The following PLEKHA8 variants were observed in gnomAD, a reference collection of about 807,000 sequenced individuals.
PLEKHA8 encodes pleckstrin homology domain-containing family A member 8.
Under a neutral mutation model 68.2 loss-of-function variants are expected in PLEKHA8, and 36 were observed. The observed-to-expected ratio is 0.53, with a 90% CI of 0.40 to 0.70. PLEKHA8 has a LOEUF of 0.70. PLEKHA8 is among the 30% of genes least tolerant of loss of function. The pLI, the probability that PLEKHA8 is intolerant of heterozygous loss-of-function variation, is 0.00. For synonymous variants in PLEKHA8, 211 were observed against 216.1 expected, an observed-to-expected ratio of 0.98 and a Z score of 0.20; for missense variants, 505 against 615.4, an observed-to-expected ratio of 0.82 and a Z score of 1.90.
At chr7:30,056,990 A>G (rs1213756441) in intron 9 of PLEKHA8, among the ~76,000 whole-genome samples, 2 of 150,264 alleles carry the variant, frequency 1.3e-5, no homozygotes, top group African/African-American at 2.4e-5. Context: ...TTTTACTTGT[A>G]TAAAGTCAGT....
In PLEKHA8 at chr7:30,082,356, G is replaced by A. The variant is rs1242187747; in HGVS notation, c.*3569G>A. The A allele has an allele frequency of 1.1e-5, 11 of 985,278 alleles. No individual in the cohort carries two copies. The highest frequency in any genetic ancestry group is 5.2e-4 in the Middle Eastern group (1 of 1,938). 61.0% of individuals were successfully genotyped at this position (985,278 alleles called of 1,614,324 possible). A position where few individuals can be genotyped will look rare whatever the true frequency, so the allele number is the denominator to read the frequency against. On this transcript the variant is annotated 3_prime_UTR_variant, in exon 14 of 14. Transcript: ENST00000449726. Reference sequence around the variant, plus strand: ...TATGTTTGTTCTGCCCCATTTCCCAGGAGCAGCTTCTAGCACATATGTAGA... The same window carrying A: ...TATGTTTGTTCTGCCCCATTTCCCAAGAGCAGCTTCTAGCACATATGTAGA...
intron 13 of PLEKHA8, among the ~76,000 whole-genome samples, chr7:30,098,836 T>G (rs1277575144): frequency 6.6e-6 from 1 of 152,244 alleles, no homozygotes; most frequent in African/African-American, 2.4e-5. Flanking sequence ...GCACCCACTG[T>G]CCGGCACTCC....
At chr7:30,049,584 T>A (rs1792244573) in intron 5 of PLEKHA8, 2 of 613,220 alleles carry the variant, frequency 3.3e-6, no homozygotes, top group Admixed American at 6.8e-5. Flanking sequence ...CTAAACATGT[T>A]TCTAATGTAG....
rs1180836084 is a variant in PLEKHA8, at chr7:30,062,983, G to A, written c.1300+241G>A. Among the ~76,000 whole-genome samples the A allele has an allele frequency of 2.0e-5, 3 of 152,178 alleles. No individual in the cohort carries two copies. The East Asian group carries it at 5.8e-4, about 29-fold the overall frequency. On this transcript the variant is annotated intron_variant, in intron 12 of 13. Coordinates refer to ENST00000449726, the MANE Select transcript of PLEKHA8 (RefSeq NM_001197026.2). ...TATATTTTAAAGACGTGCTGAATAA[G>A]TGGAAAGCCATCTCTTAAACATAAT...
intron 1 of PLEKHA8, among the ~76,000 whole-genome samples, chr7:30,039,551 C>T (rs1583778909): frequency 6.6e-6 from 1 of 152,238 alleles, no homozygotes; most frequent in East Asian, 1.9e-4. Flanking sequence ...AAGATTTATT[C>T]TTAAGTAGTT....
At chr7:30,056,338 CATAT>C (rs1289942338) in intron 9 of PLEKHA8, among the ~76,000 whole-genome samples, 2 of 102,132 alleles carry the variant, frequency 2.0e-5, no homozygotes, top group East Asian at 6.5e-4. Flanking sequence ...ATATAAATAA[CATAT>C]ATATAATATA....
chr7:30,057,193 T>C (rs1206389835), intron 9 of PLEKHA8, among the ~76,000 whole-genome samples: 3 of 152,072 alleles, frequency 2.0e-5, no homozygotes, highest in Non-Finnish European at 4.4e-5. Context: ...GAATGTTCCC[T>C]GTGTCACTCA....
At chr7:30,102,908 A>C (rs370810197) in intron 13 of PLEKHA8, among the ~76,000 whole-genome samples, 2 of 152,206 alleles carry the variant, frequency 1.3e-5, no homozygotes, top group South Asian at 2.1e-4. Flanking sequence ...CCCTACAAAA[A>C]ATATTTTTTA....
chr7:30,030,575 G>A (rs1392292305), intron 1 of PLEKHA8, among the ~76,000 whole-genome samples: 1 of 152,204 alleles, frequency 6.6e-6, no homozygotes, highest in Non-Finnish European at 1.5e-5. Context: ...GAAGAAGAGG[G>A]CACTGGAGCC....
rs549483634 is a variant in PLEKHA8 at position 30,072,153 on chromosome 7, C to T, written c.1301-1918C>T. The T allele has an allele frequency of 2.0e-5, 3 of 152,298 alleles. No homozygotes were observed. In the South Asian group the frequency reaches 6.2e-4, roughly 32 times the overall value. 9.4% of individuals were successfully genotyped at this position (152,298 alleles called of 1,614,324 possible). ...AGAAAAAAGTTTAATTTTGGGTTCT[C>T]CTTTAGGCTCTAAGAGTCTTCTTCA... is the stretch of plus-strand genomic sequence containing the variant. On this transcript the variant is annotated intron_variant, in intron 12 of 13. Transcript: ENST00000449726.
rs557918005 is a variant in PLEKHA8, at chr7:30,082,106, A to T, written c.*3319A>T. On this transcript the variant is annotated 3_prime_UTR_variant, in exon 14 of 14. Coordinates refer to ENST00000449726, the MANE Select transcript of PLEKHA8 (RefSeq NM_001197026.2). ...AGAATGTTGAGCCTGTGGGCCCAAG[A>T]CATTGACTTCGAAGGGTAGTTCTCA... 4.1e-6 allele frequency: 4 copies of T among 985,408 alleles called. No individual in the cohort carries two copies. In the East Asian group the frequency reaches 3.4e-4, roughly 84 times the overall value. The allele number at this position is 985,408 out of a possible 1,614,324, so 61.0% of individuals were successfully genotyped here.
chr7:30,108,641 A>G (rs1796157927), intron 13 of PLEKHA8, among the ~76,000 whole-genome samples: 3 of 152,088 alleles, frequency 2.0e-5, no homozygotes, highest in Admixed American at 2.0e-4. Context: ...CTATGTTTTC[A>G]GTTTATTGAT....
At chr7:30,047,213 C>T (rs1244759075) in intron 3 of PLEKHA8, among the ~76,000 whole-genome samples, 1 of 151,958 alleles carries the variant, frequency 6.6e-6, no homozygotes, top group Non-Finnish European at 1.5e-5. Flanking sequence ...TAGTAATGTG[C>T]ACTTTTTTTT....
intron 1 of PLEKHA8, among the ~76,000 whole-genome samples, chr7:30,040,469 A>C (rs1791445393): frequency 1.3e-5 from 2 of 152,184 alleles, no homozygotes; most frequent in Non-Finnish European, 2.9e-5. Context: ...GTCCCAGCAA[A>C]AGTCCCAGAA....
intron 13 of PLEKHA8, among the ~76,000 whole-genome samples, chr7:30,109,600 A>C (rs1220431042): frequency 7.0e-6 from 1 of 142,718 alleles, no homozygotes; most frequent in African/African-American, 2.6e-5. Context: ...AAAAAAAAAA[A>C]AAAAAAAAAA....
intron 9 of PLEKHA8, among the ~76,000 whole-genome samples, chr7:30,056,742 AGTGTGTGTGTGTGT>A (rs70980590): frequency 1.1e-3 from 81 of 74,776 alleles, no homozygotes; most frequent in African/African-American, 3.4e-3. Context: ...AAAAAAAAAA[AGTGTGTGTGTGTGT>A]GTGTGTGTGT....
rs1012697595 is a variant in PLEKHA8 at position 30,078,816 on chromosome 7, A to G, written c.*29A>G. The G allele has an allele frequency of 1.0e-5, 16 of 1,606,970 alleles. No homozygotes were observed. The highest frequency in any genetic ancestry group is 1.4e-5 in the Non-Finnish European group (16 of 1,176,360). The stretch of plus-strand genomic sequence containing the variant: ...CTGCTGGGCAGCACCTCCTAACTTC[A>G]GGGAATAAGTGCTAAAGTGTTTTGT... On this transcript the variant is annotated 3_prime_UTR_variant, in exon 14 of 14. Transcript: ENST00000449726.
chr7:30,090,191 T>A lies in PLEKHA8; in HGVS notation c.*16T>A, dbSNP rs1234527100. 3.4e-5 allele frequency: 53 copies of A among 1,549,570 alleles called. No homozygotes were observed. In the East Asian group the frequency reaches 1.2e-3, roughly 36 times the overall value. ...AAACACTTGACACCAAAACATACCC[T>A]GATGAAGATCCTGAACTTCAAGAAT... is the stretch of plus-strand genomic sequence containing the variant. On this transcript the variant is annotated 3_prime_UTR_variant, in exon 13 of 13. Transcript: ENST00000258679.
intron 12 of PLEKHA8, 150 bp downstream of exon 12, chr7:30,062,892 T>C (rs1793550893): frequency 3.3e-6 from 2 of 606,154 alleles, no homozygotes; most frequent in Non-Finnish European, 5.6e-6. Flanking sequence ...GCTTCTTATA[T>C]GCTTTGTTTA....
Sources: gnomAD v4.1 joint callset for allele counts (sites outside exome capture counted in the v4.1 genomes callset) on GRCh38, gnomAD v4.1.1 for gene constraint, MANE v1.5 for transcripts, NCBI Gene and HGNC (gene_info 2026-07-23, HGNC 2026-07-21) for gene names.